Variants in PDE2A observed in about 807,000 individuals in gnomAD.
PDE2A encodes cGMP-dependent 3',5'-cyclic phosphodiesterase.
In PDE2A, 53 loss-of-function variants were observed where a neutral mutation model predicts 133.6. That is an observed-to-expected ratio of 0.40 (90% CI 0.32 to 0.50). The LOEUF (loss-of-function observed/expected upper bound fraction) is 0.50, where lower values mean the gene tolerates loss of function less well. Ranked by LOEUF, PDE2A falls within the 20% of genes least tolerant of loss-of-function variation. The pLI is 0.73. For synonymous variants in PDE2A, 491 were observed against 490.2 expected (o/e 1.00, Z -0.02); for missense variants, 796 against 1,232.4 (o/e 0.65, Z 5.30).
chr11:72,636,645 C>G (rs1439100462), intron 2 of PDE2A, among the ~76,000 whole-genome samples: 1 of 152,192 alleles, frequency 6.6e-6, no homozygotes, highest in Non-Finnish European at 1.5e-5. Context: ...ATCCAGACAC[C>G]TGGGTGGGGC....
chr11:72,667,197 T>C (rs966426552), intron 1 of PDE2A, among the ~76,000 whole-genome samples: 1 of 152,156 alleles, frequency 6.6e-6, no homozygotes, highest in Non-Finnish European at 1.5e-5. Flanking sequence ...ATTCTCACCC[T>C]CTCAGATCAG....
In PDE2A at chr11:72,578,146, A is replaced by T; in HGVS notation, c.2615+87T>A. 1.3e-5 allele frequency: 11 copies of T among 872,700 alleles called. No individual in the cohort carries two copies. In the South Asian group the frequency reaches 1.4e-4, roughly 11 times the overall value. 54.1% of individuals were successfully genotyped at this position (872,700 alleles called of 1,614,324 possible). The stretch of plus-strand genomic sequence containing the variant: ...AATCAGTTGGACCTGGGCCAGGCCA[A>T]TCTCAGCACCTGTGTTTCCTGTGAT... On this transcript the variant is annotated intron_variant, in intron 30 of 30. Coordinates refer to ENST00000334456, the MANE Select transcript of PDE2A (RefSeq NM_002599.5). This position sits in a 1 kb window ranked among gnomAD's most constrained non-coding sequence, Gnocchi z 4.2.
At chr11:72,666,801 CA>C (rs1237788150) in intron 1 of PDE2A, among the ~76,000 whole-genome samples, 1 of 152,200 alleles carries the variant, frequency 6.6e-6, no homozygotes, top group African/African-American at 2.4e-5. Flanking sequence ...TTACCAAAAT[CA>C]GACATAAAGA....
chr11:72,646,765 T>C (rs1215041459), intron 1 of PDE2A, among the ~76,000 whole-genome samples: 3 of 152,226 alleles, frequency 2.0e-5, no homozygotes, highest in Non-Finnish European at 4.4e-5. Flanking sequence ...TCCACCTCTT[T>C]GCCTTTGCCC....
At chr11:72,600,532 TCC>T (rs1221613640) in intron 4 of PDE2A, among the ~76,000 whole-genome samples, 1 of 152,068 alleles carries the variant, frequency 6.6e-6, no homozygotes, top group Non-Finnish European at 1.5e-5. Flanking sequence ...AGAACTGCTG[TCC>T]TCCTGAAGTC....
chr11:72,664,277 A>G (rs887761628), intron 1 of PDE2A, among the ~76,000 whole-genome samples: 9 of 151,078 alleles, frequency 6.0e-5, no homozygotes, highest in African/African-American at 2.2e-4. Flanking sequence ...CATCTCCATA[A>G]TACTTGCTTC....
At chr11:72,663,767 A>G (rs1268462963) in intron 1 of PDE2A, among the ~76,000 whole-genome samples, 1 of 152,028 alleles carries the variant, frequency 6.6e-6, no homozygotes, top group Non-Finnish European at 1.5e-5. Flanking sequence ...AAAACCAAAC[A>G]AACAAAAAAG....
chr11:72,629,681 G>T (rs1468569998), intron 2 of PDE2A, among the ~76,000 whole-genome samples: 1 of 152,186 alleles, frequency 6.6e-6, no homozygotes, highest in Admixed American at 6.5e-5. Flanking sequence ...TGTGCACCAG[G>T]CCCTGTGTGG....
At chr11:72,670,911 T>C (rs539974395) in intron 1 of PDE2A, among the ~76,000 whole-genome samples, 12 of 146,356 alleles carry the variant, frequency 8.2e-5, no homozygotes, top group African/African-American at 2.9e-4. Flanking sequence ...GCAGGCTGGA[T>C]AGATCTGCAG....
At position 72,584,192 on chromosome 11, in the gene PDE2A, C is replaced by A. The variant is rs79609778; in HGVS notation, c.1650+9G>T. 1.3e-6 allele frequency: 2 copies of A among 1,498,660 alleles called. No homozygotes were observed. Among genetic ancestry groups the A allele is most frequent in the Non-Finnish European group, 1.9e-6 (2 of 1,077,446 alleles). 92.8% of individuals were successfully genotyped at this position (1,498,660 alleles called of 1,614,324 possible). On this transcript the variant is annotated intron_variant, in intron 19 of 30. Coordinates refer to ENST00000334456, the MANE Select transcript of PDE2A (RefSeq NM_002599.5). ...TCACCCCACACCCCACTCCCAACCC[C>A]GCCCTCACATGGGCGATGCTGATGC... is the stretch of plus-strand genomic sequence containing the variant.
chr11:72,602,956 C>T (rs1287266781), intron 4 of PDE2A, among the ~76,000 whole-genome samples: 2 of 152,236 alleles, frequency 1.3e-5, no homozygotes, highest in African/African-American at 2.4e-5. Context: ...CACCACCAGA[C>T]ACCAGGCACA....
chr11:72,581,811 G>A (rs757600254), intron 22 of PDE2A, 66 bp downstream of exon 22: 13 of 1,411,882 alleles, frequency 9.2e-6, no homozygotes, highest in Non-Finnish European at 1.3e-5. Context: ...GAATGCCGGG[G>A]GCAACGGATG....
chr11:72,674,228 C>T lies in PDE2A; in HGVS notation c.-21G>A. ...CCCATCACTCCTCATCGTCCGCCTCCCCAGCCAGACTAAGGTGGCACCTCG... is the reference window on the plus strand; with the variant it reads ...CCCATCACTCCTCATCGTCCGCCTCTCCAGCCAGACTAAGGTGGCACCTCG... On this transcript the variant is annotated 5_prime_UTR_variant, in exon 1 of 31. Transcript: ENST00000334456. 6.2e-7 allele frequency: 1 copy of T among 1,602,468 alleles called. No homozygotes were observed. Among genetic ancestry groups the T allele is most frequent in the Non-Finnish European group, 8.5e-7 (1 of 1,177,424 alleles).
intron 2 of PDE2A, among the ~76,000 whole-genome samples, chr11:72,611,267 A>G (rs12290975): frequency 0.017 from 2,623 of 152,290 alleles, 78 homozygotes; most frequent in African/African-American, 0.06. Context: ...CTGAGGTTCA[A>G]TGAGAAGCAA....
chr11:72,585,696 A>T, intron 14 of PDE2A, 103 bp from the exon 15 acceptor site: 1 of 980,248 alleles, frequency 1.0e-6, no homozygotes. Flanking sequence ...TTCCTTCCCT[A>T]GGGCTCACTG....
intron 1 of PDE2A, among the ~76,000 whole-genome samples, chr11:72,652,974 C>G (rs60222288): frequency 6.6e-6 from 1 of 152,230 alleles, no homozygotes; most frequent in Non-Finnish European, 1.5e-5. Flanking sequence ...GCCACACTTC[C>G]TGATTGATCA....
At chr11:72,589,090 G>T in intron 12 of PDE2A, 85 bp downstream of exon 12, 1 of 1,323,820 alleles carries the variant, frequency 7.6e-7, no homozygotes. Flanking sequence ...CCATTCCTAG[G>T]CTGCTCTGTA....
At chr11:72,585,003 G>A in intron 16 of PDE2A, 59 bp from the exon 17 acceptor site, 2 of 1,525,402 alleles carry the variant, frequency 1.3e-6, no homozygotes, top group Non-Finnish European at 1.8e-6. Flanking sequence ...TCGCCCTCAC[G>A]TCCCATAAGG....
At chr11:72,621,119 T>C (rs1344359281) in intron 2 of PDE2A, among the ~76,000 whole-genome samples, 1 of 152,194 alleles carries the variant, frequency 6.6e-6, no homozygotes, top group Non-Finnish European at 1.5e-5. Context: ...TAAAATGACC[T>C]GCTGAATGTC....
Sources: allele counts gnomAD v4.1 joint callset (sites outside exome capture counted in the v4.1 genomes callset), GRCh38; gene constraint gnomAD v4.1.1; non-coding constraint Gnocchi (gnomAD v3.1); transcripts MANE v1.5; gene names NCBI Gene and HGNC (gene_info 2026-07-23, HGNC 2026-07-21).